Variants in COL22A1 observed in about 807,000 individuals in gnomAD.
COL22A1 encodes collagen alpha-1(XXII) chain.
Under a neutral mutation model 248.9 loss-of-function variants are expected in COL22A1, and 221 were observed. That is an observed-to-expected ratio of 0.89 (90% CI 0.80 to 0.99). The LOEUF is 0.99. Ranked by LOEUF, COL22A1 falls within the 50% of genes least tolerant of loss-of-function variation. The probability of loss-of-function intolerance (pLI) is 0.00; values close to 1 mark genes in which losing one functional copy is unlikely to be tolerated. For missense variants in COL22A1, 2,240 were observed against 2,179.0 expected, an observed-to-expected ratio of 1.03 and a Z score of -0.56; for synonymous variants, 891 against 793.4, an observed-to-expected ratio of 1.12 and a Z score of -2.07.
intron 1 of COL22A1, among the ~76,000 whole-genome samples, chr8:138,887,278 G>A (rs954689951): frequency 1.3e-5 from 2 of 150,168 alleles, no homozygotes; most frequent in Middle Eastern, 3.2e-3. Context: ...AGGCTGGAGT[G>A]CAGTGGTGCC....
Position 138,755,194 on chromosome 8 carries a change from C to G in COL22A1, c.1994G>C (p.Arg665Thr). 1 of 1,614,136 alleles carries G rather than the reference C, an allele frequency of 6.2e-7. No individual in the cohort carries two copies. The highest frequency in any genetic ancestry group is 8.5e-7 in the Non-Finnish European group (1 of 1,180,020). ...LKGEQGAPGP[R>T]GHQGAPGPPG... ...AGGACCGGGGGCGCCTTGGTGACCT[C>G]TGGGTCCTGGAGCTCCCTGGTAACA... Residue 665 changes from arginine to threonine, a missense_variant, in exon 21 of 65, where the codon AGA (arginine) becomes ACA (threonine). By Grantham distance (71) the Arg-to-Thr change is moderately conservative. Coordinates refer to ENST00000303045, the MANE Select transcript of COL22A1 (RefSeq NM_152888.3).
At chr8:138,705,687 G>A (rs1828367691) in intron 30 of COL22A1, among the ~76,000 whole-genome samples, 1 of 152,160 alleles carries the variant, frequency 6.6e-6, no homozygotes, top group Non-Finnish European at 1.5e-5. Flanking sequence ...ATGCCAAATT[G>A]TAAACACCAC....
intron 43 of COL22A1, among the ~76,000 whole-genome samples, chr8:138,660,779 T>C (rs62527892): frequency 0.71 from 102,512 of 144,834 alleles, 38,139 homozygotes; most frequent in Non-Finnish European, 0.84. Flanking sequence ...CATGCACGCA[T>C]GCACACACAC....
intron 35 of COL22A1, 106 bp downstream of exon 35, chr8:138,693,540 C>T (rs1827251106): frequency 1.2e-5 from 15 of 1,205,618 alleles, no homozygotes; most frequent in South Asian, 1.2e-4. Context: ...TTCTGGGCCA[C>T]GTCCTCCTAG....
At chr8:138,597,069 A>G in intron 61 of COL22A1, 99 bp from the exon 62 acceptor site, 1 of 877,536 alleles carries the variant, frequency 1.1e-6, no homozygotes. Flanking sequence ...TAGGTGGTAT[A>G]TACCCACACA....
At chr8:138,751,027 A>G (rs549712715) in intron 22 of COL22A1, among the ~76,000 whole-genome samples, 1 of 152,060 alleles carries the variant, frequency 6.6e-6, no homozygotes, top group South Asian at 2.1e-4. Flanking sequence ...ACCATGAGAT[A>G]TCATATCCAA....
intron 38 of COL22A1, among the ~76,000 whole-genome samples, 200 bp from the exon 39 acceptor site, chr8:138,684,669 T>C (rs1826204381): frequency 2.0e-5 from 3 of 152,212 alleles, no homozygotes. Context: ...TGCCTCCTAC[T>C]GTCTCTGTGT....
intron 15 of COL22A1, among the ~76,000 whole-genome samples, chr8:138,776,628 C>A (rs1814486791): frequency 6.6e-6 from 1 of 151,962 alleles, no homozygotes; most frequent in African/African-American, 2.4e-5. Context: ...CCCCTGCTTC[C>A]CCCCACCCCA....
At chr8:138,737,465 C>A in intron 23 of COL22A1, 59 bp downstream of exon 23, 2 of 1,234,228 alleles carry the variant, frequency 1.6e-6, no homozygotes, top group South Asian at 2.4e-5. Flanking sequence ...GCTGCCTGGT[C>A]ATTTATTTAA....
chr8:138,897,647 T>C (rs1011897278), intron 1 of COL22A1, among the ~76,000 whole-genome samples: 41 of 152,140 alleles, frequency 2.7e-4, no homozygotes, highest in Non-Finnish European at 2.4e-4. Context: ...TTGTTCCCAT[T>C]GCCTAGCTAA....
chr8:138,606,978 C>T (rs550038116), intron 57 of COL22A1, among the ~76,000 whole-genome samples: 1 of 152,282 alleles, frequency 6.6e-6, no homozygotes, highest in South Asian at 2.1e-4. Flanking sequence ...GTCTCACAAG[C>T]AGCAACAGGT....
At chr8:138,665,346 T>C (rs1385587495) in intron 41 of COL22A1, among the ~76,000 whole-genome samples, 11 of 152,206 alleles carry the variant, frequency 7.2e-5, no homozygotes, top group Non-Finnish European at 4.4e-5. Context: ...CAGTAGGTTA[T>C]AGCAGGGGTC....
intron 3 of COL22A1, among the ~76,000 whole-genome samples, chr8:138,866,647 G>A (rs1461273601): frequency 1.3e-5 from 2 of 152,178 alleles, no homozygotes; most frequent in Non-Finnish European, 2.9e-5. Flanking sequence ...CACTTTACTC[G>A]GGATGGCACC....
At chr8:138,676,930 G>T (rs1825607969) in intron 40 of COL22A1, among the ~76,000 whole-genome samples, 1 of 152,116 alleles carries the variant, frequency 6.6e-6, no homozygotes, top group Non-Finnish European at 1.5e-5. Context: ...TGTGAGCATT[G>T]TCCAAATCTA....
Position 138,700,135 on chromosome 8 carries a change from A to G in COL22A1, c.2569T>C (p.Phe857Leu). 4.3e-6 allele frequency: 7 copies of G among 1,613,670 alleles called. No homozygotes were observed. The highest frequency in any genetic ancestry group is 5.9e-6 in the Non-Finnish European group (7 of 1,179,938). Residue 857 changes from phenylalanine (F) to leucine (L), a missense_variant, in exon 32 of 65, where the codon TTC becomes CTC. By Grantham distance (22) the Phe-to-Leu change is conservative. Coordinates refer to ENST00000303045, the MANE Select transcript of COL22A1 (RefSeq NM_152888.3). ...ACGGGCATCCGTGGATGTGGTGTGA[A>G]CAGGGATGTCTGAAAAGGAAACCAC... ...PPGLPGTTSL[F>L]TPHPRMPGEQ...
rs5895559 is a variant in COL22A1, at chr8:138,763,387, C to CAA, written c.1804-923_1804-922dup. 1.7e-3 allele frequency among the ~76,000 whole-genome samples: 260 copies of CAA among 149,000 alleles called. 3 individuals carry two copies. The highest frequency in any genetic ancestry group is 1.8e-3 in the East Asian group (9 of 4,976). ...GGGCGACAGAGTGAGACTCTGTCTC[C>CAA]AAAAAAAAAGAAAAAGAAAAAGATC... On this transcript the variant is annotated intron_variant, in intron 16 of 64. Coordinates refer to ENST00000303045, the MANE Select transcript of COL22A1 (RefSeq NM_152888.3).
chr8:138,854,646 C>G (rs924662672), intron 3 of COL22A1, among the ~76,000 whole-genome samples: 1 of 152,206 alleles, frequency 6.6e-6, no homozygotes, highest in Admixed American at 6.5e-5. Flanking sequence ...AGAGGAACAA[C>G]AATCCCTTTG....
At chr8:138,896,221 AAT>A (rs1178461244) in intron 1 of COL22A1, among the ~76,000 whole-genome samples, 1 of 152,200 alleles carries the variant, frequency 6.6e-6, no homozygotes, top group East Asian at 1.9e-4. Context: ...GGGCATATAT[AAT>A]AGAGTCTATT....
chr8:138,660,307 T>A, intron 44 of COL22A1, 129 bp downstream of exon 44: 2 of 744,354 alleles, frequency 2.7e-6, no homozygotes, highest in Non-Finnish European at 4.6e-6. Context: ...CCCATATTAG[T>A]TTCCTCTGCC....
Sources: allele counts gnomAD v4.1 joint callset (sites outside exome capture counted in the v4.1 genomes callset), GRCh38; gene constraint gnomAD v4.1.1; transcripts MANE v1.5; gene names NCBI Gene and HGNC (gene_info 2026-07-23, HGNC 2026-07-21).